Variants in EPHA3 observed in about 807,000 individuals in gnomAD.
EPHA3 encodes the protein EPH receptor A3.
A neutral mutation model predicts 107.1 loss-of-function variants in EPHA3; 42 were observed. The observed-to-expected ratio is 0.39, with a 90% confidence interval of 0.31 to 0.51. EPHA3 has a LOEUF of 0.51. Among genes scored for constraint, EPHA3 ranks in the 20% least tolerant of loss-of-function variants. The probability of loss-of-function intolerance (pLI) is 0.78; values close to 1 mark genes in which losing one functional copy is unlikely to be tolerated. For missense variants in EPHA3, 1,183 were observed against 1,211.2 expected, an observed-to-expected ratio of 0.98 and a Z score of 0.35; for synonymous variants, 461 against 424.8, an observed-to-expected ratio of 1.09 and a Z score of -1.05.
intron 3 of EPHA3, among the ~76,000 whole-genome samples, chr3:89,316,505 A>ATATATAT (rs1553681524): frequency 2.9e-5 from 3 of 104,130 alleles, no homozygotes; most frequent in East Asian, 3.3e-4. Flanking sequence ...GTGTGTGTGT[A>ATATATAT]ATATATATAT....
At chr3:89,244,312 T>C (rs1704979849) in intron 3 of EPHA3, among the ~76,000 whole-genome samples, 1 of 152,042 alleles carries the variant, frequency 6.6e-6, no homozygotes, top group South Asian at 2.1e-4. Context: ...TTATGTTGCT[T>C]ATGTGTTTAA....
At chr3:89,382,699 G>A (rs1403434920) in intron 5 of EPHA3, among the ~76,000 whole-genome samples, 1 of 152,052 alleles carries the variant, frequency 6.6e-6, no homozygotes. Context: ...TTAGCTCTGA[G>A]GTATAGGGAC....
intron 2 of EPHA3, among the ~76,000 whole-genome samples, chr3:89,131,847 T>C (rs991245871): frequency 2.0e-5 from 3 of 152,164 alleles, no homozygotes; most frequent in African/African-American, 7.2e-5. Flanking sequence ...ATAGGGAGCT[T>C]GTTGATTGCC....
At chr3:89,208,477 A>AGAAAGAAAGAAAGAAAGAAAGAAG (rs761847794) in intron 2 of EPHA3, among the ~76,000 whole-genome samples, 33 of 133,278 alleles carry the variant, frequency 2.5e-4, no homozygotes, top group Admixed American at 3.1e-4. Context: ...AAAGAAAGAA[A>AGAAAGAAAGAAAGAAAGAAAGAAG]GAAAGAGAAA....
intron 2 of EPHA3, among the ~76,000 whole-genome samples, chr3:89,156,624 AT>A (rs371058779): frequency 1.1e-4 from 16 of 151,904 alleles, no homozygotes; most frequent in African/African-American, 2.4e-4. Context: ...AGCGTTTGCC[AT>A]TTTTTTTCTT....
At chr3:89,162,298 A>G (rs892160178) in intron 2 of EPHA3, among the ~76,000 whole-genome samples, 8 of 152,184 alleles carry the variant, frequency 5.3e-5, no homozygotes, top group Non-Finnish European at 8.8e-5. Flanking sequence ...GGAACATGCC[A>G]TACTCCAAAT....
In EPHA3 at chr3:89,347,918, T is replaced by C. The variant is rs1211701796; in HGVS notation, c.1306+5828T>C. 8.6e-5 allele frequency among the ~76,000 whole-genome samples: 13 copies of C among 151,336 alleles called. 1 individual carries two copies. Among genetic ancestry groups the C allele is most frequent in the Non-Finnish European group, 1.6e-4 (11 of 67,610 alleles). On this transcript the variant is annotated intron_variant, in intron 5 of 16. Coordinates refer to ENST00000336596, the MANE Select transcript of EPHA3 (RefSeq NM_005233.6). ...CTCTATTTATATGCTGGATTACATT[T>C]ATTGATTTGTGTATATTGGACCAGC...
At chr3:89,231,305 T>C (rs1704629210) in intron 3 of EPHA3, among the ~76,000 whole-genome samples, 1 of 152,084 alleles carries the variant, frequency 6.6e-6, no homozygotes, top group African/African-American at 2.4e-5. Context: ...GGCATGTTGT[T>C]ATATTATCTA....
chr3:89,251,089 A>T (rs1308830380), intron 3 of EPHA3, among the ~76,000 whole-genome samples: 1 of 152,204 alleles, frequency 6.6e-6, no homozygotes, highest in Admixed American at 6.5e-5. Flanking sequence ...CATATAGAAT[A>T]ATGTATAATG....
intron 1 of EPHA3, among the ~76,000 whole-genome samples, chr3:89,108,406 T>C (rs537597298): frequency 5.9e-5 from 9 of 152,206 alleles, no homozygotes; most frequent in African/African-American, 1.9e-4. Flanking sequence ...TGCTCTATGG[T>C]ACAGGTTCTA....
intron 11 of EPHA3, among the ~76,000 whole-genome samples, chr3:89,428,780 A>G (rs1254111799): frequency 1.3e-5 from 2 of 152,080 alleles, no homozygotes; most frequent in Non-Finnish European, 2.9e-5. Flanking sequence ...TTGGAGGCAG[A>G]AATATTTGGT....
intron 5 of EPHA3, among the ~76,000 whole-genome samples, chr3:89,372,775 T>C (rs527260022): frequency 6.6e-6 from 1 of 151,900 alleles, no homozygotes; most frequent in East Asian, 1.9e-4. Flanking sequence ...GACAGTTACC[T>C]TAAAACATAA....
At chr3:89,110,343 A>T (rs1707074374) in intron 1 of EPHA3, among the ~76,000 whole-genome samples, 1 of 151,968 alleles carries the variant, frequency 6.6e-6, no homozygotes, top group Admixed American at 6.6e-5. Context: ...GGACATTTGC[A>T]GTTGTGTGAT....
chr3:89,169,243 G>GT (rs367865177), intron 2 of EPHA3, among the ~76,000 whole-genome samples: 2,162 of 151,132 alleles, frequency 0.014, 54 homozygotes, highest in African/African-American at 0.049. Context: ...AATTATACAT[G>GT]TTTTTTTTTC....
rs2106932783 is a variant in EPHA3, at chr3:89,107,833, G to A, written c.85G>A (p.Glu29Lys). The change falls in exon 1 of 17, where the codon GAA (glutamate) becomes AAA (lysine). Residue 29 changes from glutamate (E) to lysine (K), a missense_variant. Glu to Lys is a moderately conservative substitution (Grantham distance 56, BLOSUM62 1). Coordinates refer to ENST00000336596, the MANE Select transcript of EPHA3 (RefSeq NM_005233.6). ...GGAACTGATTCCGCAGCCTTCCAAT[G>A]AAGGTAAGCCAGGTACCGCGACGCA... The part of the protein sequence containing the change: ...FGELIPQPSN[E>K]VNLLDSKTIQ... 1 of 1,614,082 alleles carries A rather than the reference G, an allele frequency of 6.2e-7. No homozygotes were observed. Among genetic ancestry groups the A allele is most frequent in the Non-Finnish European group, 8.5e-7 (1 of 1,179,988 alleles).
At chr3:89,457,398 A>G (rs1454778990) in intron 15 of EPHA3, among the ~76,000 whole-genome samples, 1 of 152,134 alleles carries the variant, frequency 6.6e-6, no homozygotes, top group African/African-American at 2.4e-5. Flanking sequence ...AGCTCTACTT[A>G]CTGCAGATCA....
intron 2 of EPHA3, among the ~76,000 whole-genome samples, chr3:89,208,464 AAG>A (rs1226531977): frequency 6.8e-6 from 1 of 146,486 alleles, no homozygotes; most frequent in Non-Finnish European, 1.5e-5. Context: ...GAAAGAAAGA[AAG>A]AAAGAAAGAA....
At chr3:89,354,585 A>G (rs1299030181) in intron 5 of EPHA3, among the ~76,000 whole-genome samples, 1 of 151,270 alleles carries the variant, frequency 6.6e-6, no homozygotes, top group Non-Finnish European at 1.5e-5. Context: ...CACCCCTATA[A>G]GCAGGGGCCC....
intron 3 of EPHA3, among the ~76,000 whole-genome samples, chr3:89,296,316 T>G (rs1314894250): frequency 6.6e-6 from 1 of 152,348 alleles, no homozygotes; most frequent in Admixed American, 6.5e-5. Flanking sequence ...CAAAATATAT[T>G]TCTTAGACAA....
Sources: gnomAD v4.1 joint callset for allele counts (sites outside exome capture counted in the v4.1 genomes callset) on GRCh38, gnomAD v4.1.1 for gene constraint, MANE v1.5 for transcripts, NCBI Gene and HGNC (gene_info 2026-07-23, HGNC 2026-07-21) for gene names.